TAB2: variants seen among roughly 807,000 people sequenced by gnomAD.
The protein encoded by TAB2 is TGF-beta activated kinase 1 (MAP3K7) binding protein 2, also known as TGF-beta-activated kinase 1 and MAP3K7-binding protein 2.
Under a neutral mutation model 65.0 loss-of-function variants are expected in TAB2, and 3 were observed. That is an observed-to-expected ratio of 0.05 (90% CI 0.02 to 0.12). The LOEUF is 0.12. Among genes scored for constraint, TAB2 ranks in the 10% least tolerant of loss-of-function variants. TAB2 has a pLI of 1.00. For synonymous variants in TAB2, 298 were observed against 285.1 expected (o/e 1.05, Z -0.46); for missense variants, 623 against 840.3 (o/e 0.74, Z 3.20).
chr6:149,359,520 A>G (rs565661845), intron 1 of TAB2, among the ~76,000 whole-genome samples: 1 of 152,196 alleles, frequency 6.6e-6, no homozygotes, highest in African/African-American at 2.4e-5. Flanking sequence ...GCTTTTTTCT[A>G]GTAAGGAAGG....
At chr6:149,239,118 A>C (rs976036132) in intron 1 of TAB2, among the ~76,000 whole-genome samples, 2 of 152,300 alleles carry the variant, frequency 1.3e-5, no homozygotes, top group East Asian at 1.9e-4. Flanking sequence ...TCCATCTAAA[A>C]CTCAAGTGAC....
chr6:149,306,415 T>C (rs1196947245), intron 1 of TAB2, among the ~76,000 whole-genome samples: 1 of 151,778 alleles, frequency 6.6e-6, no homozygotes, highest in African/African-American at 2.4e-5. Context: ...CAGGGTGTGG[T>C]GGCGGGCACC....
intron 1 of TAB2, among the ~76,000 whole-genome samples, chr6:149,279,690 G>T (rs1409976524): frequency 1.3e-5 from 2 of 152,152 alleles, no homozygotes; most frequent in Admixed American, 6.5e-5. Flanking sequence ...AGAAATTTCT[G>T]CTACTTGCTA....
intron 6 of TAB2, among the ~76,000 whole-genome samples, chr6:149,405,423 C>T (rs1782630915): frequency 1.3e-5 from 2 of 152,128 alleles, no homozygotes; most frequent in African/African-American, 4.8e-5. Context: ...AAAGGAAATG[C>T]AGTAAGTATC....
intron 1 of TAB2, among the ~76,000 whole-genome samples, chr6:149,309,027 AAT>A (rs1287607076): frequency 1.3e-5 from 2 of 152,176 alleles, no homozygotes; most frequent in Non-Finnish European, 2.9e-5. Context: ...AATAAAAAAA[AAT>A]ATATGGAATG....
At chr6:149,409,535 T>C (rs751279621) in intron 6 of TAB2, 42 bp from the exon 7 acceptor site, 6 of 1,580,844 alleles carry the variant, frequency 3.8e-6, no homozygotes, top group African/African-American at 1.4e-5. Context: ...TTTTAGACTT[T>C]GTGATTTTTT....
chr6:149,353,927 T>TC (rs1368824219), intron 1 of TAB2, among the ~76,000 whole-genome samples: 4 of 152,182 alleles, frequency 2.6e-5, no homozygotes, highest in African/African-American at 9.6e-5. Flanking sequence ...TACATACACG[T>TC]ATATGTTTTT....
chr6:149,359,424 G>C (rs1240078682), intron 1 of TAB2, among the ~76,000 whole-genome samples: 1 of 152,058 alleles, frequency 6.6e-6, no homozygotes, highest in South Asian at 2.1e-4. Context: ...CTTTAATTTT[G>C]TAAGGGAGAT....
chr6:149,366,955 A>AT (rs199731130), intron 1 of TAB2, among the ~76,000 whole-genome samples: 32,103 of 150,334 alleles, frequency 0.21, 4,044 homozygotes, highest in East Asian at 0.58. Flanking sequence ...TTGTGTATAA[A>AT]TTTTTTTTTT....
intron 1 of TAB2, among the ~76,000 whole-genome samples, chr6:149,284,939 C>A (rs942031636): frequency 7.2e-5 from 11 of 152,154 alleles, no homozygotes; most frequent in African/African-American, 2.7e-4. Context: ...GCCCACAGAG[C>A]CAGCAGCCTC....
At chr6:149,298,715 T>G (rs1248616834) in intron 1 of TAB2, among the ~76,000 whole-genome samples, 1 of 121,220 alleles carries the variant, frequency 8.2e-6, no homozygotes, top group Non-Finnish European at 1.7e-5. Flanking sequence ...GATTATAGTA[T>G]TTACTCTTTA....
At chr6:149,403,247 A>AAATAT (rs1554265371) in intron 6 of TAB2, among the ~76,000 whole-genome samples, 1 of 44,042 alleles carries the variant, frequency 2.3e-5, no homozygotes, top group African/African-American at 1.2e-4. Flanking sequence ...AAAAAAAAAA[A>AAATAT]ATATATATAT....
chr6:149,284,877 C>T (rs1042070089), intron 1 of TAB2, among the ~76,000 whole-genome samples: 8 of 152,094 alleles, frequency 5.3e-5, no homozygotes, highest in African/African-American at 1.9e-4. Context: ...ATTATTGTCA[C>T]TCTCCCTTTG....
Position 149,292,587 on chromosome 6 carries a change from A to G in TAB2, c.-121+73811A>G, listed in dbSNP as rs555683771. ...CCAGTCGTTAAATTTTATTTTTGAAAAAACACTGAACTATGCTGTTGACAG... is the reference window on the plus strand; with the variant it reads ...CCAGTCGTTAAATTTTATTTTTGAAGAAACACTGAACTATGCTGTTGACAG... On this transcript the variant is annotated intron_variant, in intron 1 of 1. Coordinates refer to the TAB2 transcript ENST00000606202. Among the ~76,000 whole-genome samples, 177 of 152,360 alleles carry G rather than the reference A, an allele frequency of 1.2e-3. 4 individuals are homozygous for G. The South Asian group carries it at 0.035, about 30-fold the overall frequency.
At chr6:149,390,371 AAG>A (rs1255275999) in intron 3 of TAB2, among the ~76,000 whole-genome samples, 1 of 152,214 alleles carries the variant, frequency 6.6e-6, no homozygotes, top group African/African-American at 2.4e-5. Context: ...TCATTTAAAG[AAG>A]CCTAAAATCT....
intron 1 of TAB2, among the ~76,000 whole-genome samples, chr6:149,298,635 T>C (rs991153259): frequency 6.6e-5 from 10 of 152,150 alleles, no homozygotes; most frequent in African/African-American, 1.9e-4. Flanking sequence ...CTCCACTATT[T>C]ACTACACCTG....
At chr6:149,337,685 A>G (rs1337619829) in intron 1 of TAB2, among the ~76,000 whole-genome samples, 2 of 152,202 alleles carry the variant, frequency 1.3e-5, no homozygotes, top group African/African-American at 2.4e-5. Context: ...TTCCTCTTTT[A>G]TTATTTATCT....
intron 1 of TAB2, among the ~76,000 whole-genome samples, chr6:149,288,854 A>ATTTTTTTT (rs71007938): frequency 6.1e-5 from 7 of 115,372 alleles, no homozygotes; most frequent in Non-Finnish European, 1.2e-4. Context: ...TTAATTTTTA[A>ATTTTTTTT]TTTTTTTTTT....
chr6:149,275,236 GAAA>G (rs1778440815), intron 1 of TAB2, among the ~76,000 whole-genome samples: 1 of 51,360 alleles, frequency 1.9e-5, no homozygotes, highest in Non-Finnish European at 4.5e-5. Context: ...GAGAGAGAGA[GAAA>G]GAAAGAAAGA....
Sources: allele counts gnomAD v4.1 joint callset (sites outside exome capture counted in the v4.1 genomes callset), GRCh38; gene constraint gnomAD v4.1.1; transcripts MANE v1.5; gene names NCBI Gene and HGNC (gene_info 2026-07-23, HGNC 2026-07-21).